The following SNX13 variants were observed in gnomAD, a reference collection of about 807,000 sequenced individuals.
SNX13 encodes the protein sorting nexin 13, also known as sorting nexin-13.
Under a neutral mutation model 133.6 loss-of-function variants are expected in SNX13, and 45 were observed. The ratio of observed to expected loss-of-function variants is 0.34; its 90% CI spans 0.27 to 0.43. The LOEUF (loss-of-function observed/expected upper bound fraction) is 0.43. Among genes scored for constraint, SNX13 ranks in the 20% least tolerant of loss-of-function variants. The probability of loss-of-function intolerance (pLI) is 1.00; values close to 1 mark genes in which losing one functional copy is unlikely to be tolerated. For synonymous variants in SNX13, 414 were observed against 373.9 expected (o/e 1.11, Z -1.24); for missense variants, 1,032 against 1,145.1 (o/e 0.90, Z 1.43).
At chr7:17,805,825 GT>G (rs1043507248) in intron 20 of SNX13, among the ~76,000 whole-genome samples, 8 of 151,548 alleles carry the variant, frequency 5.3e-5, no homozygotes, top group African/African-American at 1.9e-4. Flanking sequence ...TTTTTTGTTT[GT>G]TTTCCCCACC....
chr7:17,806,000 T>C (rs923231046), intron 20 of SNX13, among the ~76,000 whole-genome samples: 18 of 152,320 alleles, frequency 1.2e-4, no homozygotes, highest in African/African-American at 4.1e-4. Context: ...AGATTTGTTT[T>C]AAAGTAGATT....
chr7:17,877,241 G>T (rs1794836632), intron 5 of SNX13, among the ~76,000 whole-genome samples: 1 of 151,852 alleles, frequency 6.6e-6, no homozygotes, highest in Non-Finnish European at 1.5e-5. Flanking sequence ...GTAATCCGAG[G>T]ATGAATTAAT....
chr7:17,887,278 G>T (rs1202058130), intron 5 of SNX13, among the ~76,000 whole-genome samples: 5 of 152,150 alleles, frequency 3.3e-5, no homozygotes, highest in African/African-American at 1.2e-4. Context: ...CTTAACAGTA[G>T]AGATAGAATT....
intron 1 of SNX13, among the ~76,000 whole-genome samples, chr7:17,926,975 T>C (rs1489485710): frequency 1.3e-5 from 2 of 152,108 alleles, no homozygotes; most frequent in Non-Finnish European, 2.9e-5. Context: ...CTAATAAGCA[T>C]ATGAAAAGAT....
intron 1 of SNX13, among the ~76,000 whole-genome samples, chr7:17,911,845 G>T (rs1799020603): frequency 5.9e-5 from 9 of 151,618 alleles, no homozygotes; most frequent in Admixed American, 5.3e-4. Flanking sequence ...TTTAAAAAGA[G>T]AGAGAGAATC....
chr7:17,814,398 T>C (rs1229531869), intron 20 of SNX13, among the ~76,000 whole-genome samples: 2 of 152,156 alleles, frequency 1.3e-5, no homozygotes, highest in East Asian at 3.8e-4. Context: ...ATTCCAAGTA[T>C]GGGTCTTAAA....
intron 20 of SNX13, among the ~76,000 whole-genome samples, chr7:17,813,078 C>A (rs1394303179): frequency 6.6e-6 from 1 of 151,880 alleles, no homozygotes; most frequent in East Asian, 1.9e-4. Flanking sequence ...AACAAACCTG[C>A]ACATTCTGCA....
At chr7:17,936,429 CACTT>C (rs1416395481) in intron 1 of SNX13, among the ~76,000 whole-genome samples, 4 of 152,158 alleles carry the variant, frequency 2.6e-5, no homozygotes, top group Non-Finnish European at 5.9e-5. Context: ...ATTTAATAGT[CACTT>C]AATGATTCAT....
intron 12 of SNX13, among the ~76,000 whole-genome samples, chr7:17,844,593 T>A (rs1476757616): frequency 6.6e-6 from 1 of 151,996 alleles, no homozygotes; most frequent in Non-Finnish European, 1.5e-5. Flanking sequence ...ATAAAGATAG[T>A]ACAAGAAAAC....
At chr7:17,903,347 C>A (rs765570022) in intron 1 of SNX13, among the ~76,000 whole-genome samples, 6 of 152,136 alleles carry the variant, frequency 3.9e-5, no homozygotes, top group Non-Finnish European at 5.9e-5. Context: ...CTAAATTAAT[C>A]TCTAGGCCAT....
At chr7:17,879,153 A>C (rs1351371762) in intron 5 of SNX13, among the ~76,000 whole-genome samples, 1 of 152,144 alleles carries the variant, frequency 6.6e-6, no homozygotes, top group Admixed American at 6.5e-5. Flanking sequence ...TTAGAACATT[A>C]ATCTCAGTAA....
chr7:17,923,844 T>C (rs1435205155), intron 1 of SNX13, among the ~76,000 whole-genome samples: 1 of 152,162 alleles, frequency 6.6e-6, no homozygotes, highest in East Asian at 1.9e-4. Flanking sequence ...TGGTTGTTGT[T>C]AATTATTCGA....
At chr7:17,814,677 T>C (rs1007444820) in intron 20 of SNX13, among the ~76,000 whole-genome samples, 157 bp downstream of exon 20, 4 of 152,296 alleles carry the variant, frequency 2.6e-5, no homozygotes, top group Middle Eastern at 3.4e-3. Context: ...AGTTTATATG[T>C]AGATATTCCT....
At chr7:17,862,020 T>A (rs912671348) in intron 9 of SNX13, among the ~76,000 whole-genome samples, 2 of 152,184 alleles carry the variant, frequency 1.3e-5, no homozygotes, top group Non-Finnish European at 2.9e-5. Flanking sequence ...ATTCAGCTAT[T>A]TGCTGCCCCC....
chr7:17,899,901 T>C (rs1041202476), intron 1 of SNX13: 1 of 152,138 alleles, frequency 6.6e-6, no homozygotes, highest in African/African-American at 2.4e-5. Context: ...GAGTTAGGCA[T>C]TTATTGCAGT....
At position 17,874,832 on chromosome 7, in the gene SNX13, G is replaced by C. The variant is rs145100244; in HGVS notation, c.664+648C>G. Among the ~76,000 whole-genome samples, 1,298 of 152,234 alleles carry C rather than the reference G, an allele frequency of 8.5e-3. 16 individuals are homozygous for C. Among genetic ancestry groups the C allele is most frequent in the African/African-American group, 0.03 (1,247 of 41,524 alleles). The stretch of plus-strand genomic sequence containing the variant: ...CCTACCAATAAAAGACAAGCCCGTT[G>C]AAATCTATAAATTTTATTTGAAATC... On this transcript the variant is annotated intron_variant, in intron 7 of 25. Coordinates refer to ENST00000428135, the MANE Select transcript of SNX13 (RefSeq NM_015132.5).
At chr7:17,865,408 G>C (rs1486017158) in intron 9 of SNX13, among the ~76,000 whole-genome samples, 2 of 151,842 alleles carry the variant, frequency 1.3e-5, no homozygotes, top group Admixed American at 6.6e-5. Context: ...AAATACGTAA[G>C]AATAAACTTA....
chr7:17,910,729 G>A (rs185013700), intron 1 of SNX13, among the ~76,000 whole-genome samples: 11 of 152,204 alleles, frequency 7.2e-5, no homozygotes, highest in Admixed American at 5.2e-4. Context: ...AAGGAATAAC[G>A]TACTAGTACA....
chr7:17,899,498 T>G (rs1797583167), intron 1 of SNX13: 1 of 151,928 alleles, frequency 6.6e-6, no homozygotes, highest in Admixed American at 6.6e-5. Flanking sequence ...CCTCATTCCT[T>G]TTTATTCTTT....
Sources: gnomAD v4.1 joint callset for allele counts (sites outside exome capture counted in the v4.1 genomes callset) on GRCh38, gnomAD v4.1.1 for gene constraint, MANE v1.5 for transcripts, NCBI Gene and HGNC (gene_info 2026-07-23, HGNC 2026-07-21) for gene names.